The following NOS1 variants were observed in gnomAD, a reference collection of about 807,000 sequenced individuals.
NOS1 encodes the protein NOS type I.
Under a neutral mutation model 164.5 loss-of-function variants are expected in NOS1, and 51 were observed. The observed-to-expected ratio is 0.31, with a 90% CI of 0.25 to 0.39. NOS1 has a LOEUF of 0.39. NOS1 is among the 10% of genes least tolerant of loss of function. The pLI is 1.00. For missense variants in NOS1, 1,362 were observed against 1,885.6 expected, an observed-to-expected ratio of 0.72 and a Z score of 5.14; for synonymous variants, 719 against 745.8, an observed-to-expected ratio of 0.96 and a Z score of 0.59.
At chr12:117,350,844 T>C (rs1429986633) in intron 1 of NOS1, among the ~76,000 whole-genome samples, 2 of 152,170 alleles carry the variant, frequency 1.3e-5, no homozygotes, top group Non-Finnish European at 2.9e-5. Flanking sequence ...CCGGGTGCGG[T>C]GGCTCAAGCC....
chr12:117,258,269 G>T, intron 16 of NOS1, 128 bp downstream of exon 16: 2 of 897,696 alleles, frequency 2.2e-6, no homozygotes, highest in South Asian at 3.0e-5. Flanking sequence ...TCACAACTAA[G>T]ACCCATTACA....
At position 117,212,370 on chromosome 12, in the gene NOS1, T is replaced by G; in HGVS notation, c.*2939A>C. On this transcript the variant is annotated 3_prime_UTR_variant, in exon 29 of 29. Coordinates refer to ENST00000317775, the MANE Select transcript of NOS1 (RefSeq NM_000620.5). Reference sequence around the variant, plus strand: ...ACTCAGGTCGGCTCCCAAAATTCCATATTGATGGGTCTGAAGTGTCCCCCC... The same window carrying G: ...ACTCAGGTCGGCTCCCAAAATTCCAGATTGATGGGTCTGAAGTGTCCCCCC... 2.0e-6 allele frequency: 2 copies of G among 985,332 alleles called. No homozygotes were observed. Among genetic ancestry groups the G allele is most frequent in the South Asian group, 9.4e-5 (2 of 21,272 alleles). The allele number at this position is 985,332 out of a possible 1,614,324, so 61.0% of individuals were successfully genotyped here. A position where few individuals can be genotyped will look rare whatever the true frequency, so the allele number is the denominator to read the frequency against.
At position 117,212,920 on chromosome 12, in the gene NOS1, C is replaced by T. The variant is rs925734980; in HGVS notation, c.*2389G>A. The T allele has an allele frequency of 7.1e-6, 7 of 985,372 alleles. No homozygotes were observed. The highest frequency in any genetic ancestry group is 8.4e-6 in the Non-Finnish European group (7 of 829,914). The allele number at this position is 985,372 out of a possible 1,614,324, so 61.0% of individuals were successfully genotyped here. A position where few individuals can be genotyped will look rare whatever the true frequency, so the allele number is the denominator to read the frequency against. The stretch of plus-strand genomic sequence containing the variant: ...TCAGATCGCTCTCCTGCCTTCTAGC[C>T]TGGAGTTGTGAAGCAGCTTGTGTTG... On this transcript the variant is annotated 3_prime_UTR_variant, in exon 29 of 29. Transcript: ENST00000317775.
chr12:117,354,524 A>C (rs1876775149), intron 1 of NOS1, among the ~76,000 whole-genome samples: 1 of 152,248 alleles, frequency 6.6e-6, no homozygotes, highest in South Asian at 2.1e-4. Flanking sequence ...CTGCTTCAAA[A>C]AAATTAAAGA....
intron 20 of NOS1, among the ~76,000 whole-genome samples, chr12:117,240,451 G>A (rs1181414850): frequency 6.6e-6 from 1 of 152,196 alleles, no homozygotes; most frequent in African/African-American, 2.4e-5. Flanking sequence ...TGATATGCTA[G>A]TTGTTTTATG....
intron 24 of NOS1, among the ~76,000 whole-genome samples, chr12:117,226,429 A>C (rs1392716766): frequency 6.6e-6 from 1 of 152,180 alleles, no homozygotes; most frequent in Non-Finnish European, 1.5e-5. Context: ...CGATAGCTCC[A>C]GCACCTAGCC....
intron 11 of NOS1, among the ~76,000 whole-genome samples, chr12:117,267,659 C>T (rs1872522175): frequency 6.6e-6 from 1 of 151,858 alleles, no homozygotes; most frequent in Admixed American, 6.6e-5. Flanking sequence ...CCATTTAGCA[C>T]AGCCTCATGC....
chr12:117,288,362 A>G, intron 4 of NOS1, 143 bp from the exon 5 acceptor site: 1 of 689,314 alleles, frequency 1.5e-6, no homozygotes, highest in South Asian at 2.2e-5. Context: ...CCAGCTTCAA[A>G]TCCTTGGTGG....
At chr12:117,282,234 G>A (rs539356021) in intron 7 of NOS1, among the ~76,000 whole-genome samples, 1 of 151,952 alleles carries the variant, frequency 6.6e-6, no homozygotes, top group South Asian at 2.1e-4. Flanking sequence ...AAAAAGGAAA[G>A]GAAAATAACT....
chr12:117,336,015 G>A (rs375170773), intron 1 of NOS1, among the ~76,000 whole-genome samples: 4 of 150,706 alleles, frequency 2.7e-5, no homozygotes, highest in African/African-American at 5.0e-5. Context: ...CCTTGTAAGC[G>A]CCATTTTTAT....
At chr12:117,328,786 C>T (rs1169935526) in intron 2 of NOS1, among the ~76,000 whole-genome samples, 3 of 152,222 alleles carry the variant, frequency 2.0e-5, no homozygotes, top group Non-Finnish European at 2.9e-5. Flanking sequence ...GACGGTCATG[C>T]ATCGCTTAAT....
chr12:117,334,694 C>T (rs1436664751), intron 1 of NOS1, among the ~76,000 whole-genome samples: 2 of 152,186 alleles, frequency 1.3e-5, no homozygotes, highest in East Asian at 1.9e-4. Flanking sequence ...TGCACCTGGC[C>T]GTCAATCATT....
intron 8 of NOS1, among the ~76,000 whole-genome samples, chr12:117,278,529 A>G (rs1873362415): frequency 6.6e-6 from 1 of 152,198 alleles, no homozygotes; most frequent in Admixed American, 6.5e-5. Flanking sequence ...GTAATAATAT[A>G]AGGTATTGTA....
chr12:117,357,297 C>T (rs1175109974), intron 1 of NOS1, among the ~76,000 whole-genome samples: 2 of 152,156 alleles, frequency 1.3e-5, no homozygotes, highest in Non-Finnish European at 2.9e-5. Flanking sequence ...AATAGTGGGG[C>T]TAATGTCCAA....
chr12:117,335,116 A>G (rs546820969), intron 1 of NOS1, among the ~76,000 whole-genome samples: 1 of 152,340 alleles, frequency 6.6e-6, no homozygotes, highest in African/African-American at 2.4e-5. Flanking sequence ...GAACTCAGAA[A>G]AGTGGCTTCC....
intron 10 of NOS1, among the ~76,000 whole-genome samples, chr12:117,271,207 C>A (rs996089479): frequency 3.3e-5 from 5 of 152,174 alleles, no homozygotes; most frequent in Non-Finnish European, 7.4e-5. Context: ...CACGAAGCCC[C>A]CCAGATACCC....
intron 3 of NOS1, among the ~76,000 whole-genome samples, chr12:117,299,406 AG>A (rs1343334314): frequency 1.1e-4 from 16 of 152,066 alleles, no homozygotes; most frequent in Non-Finnish European, 2.1e-4. Context: ...TGGGAGGCCG[AG>A]GTGGGCGGAT....
At chr12:117,220,678 A>G (rs1956688502) in intron 26 of NOS1, among the ~76,000 whole-genome samples, 1 of 152,058 alleles carries the variant, frequency 6.6e-6, no homozygotes. Context: ...CAGGCACCCT[A>G]TGTTACAGTG....
At chr12:117,325,011 G>C (rs1436956479) in intron 2 of NOS1, among the ~76,000 whole-genome samples, 1 of 152,242 alleles carries the variant, frequency 6.6e-6, no homozygotes, top group Non-Finnish European at 1.5e-5. Context: ...GGGGACAACA[G>C]AGCAGGAGAG....
Sources: allele counts gnomAD v4.1 joint callset (sites outside exome capture counted in the v4.1 genomes callset), GRCh38; gene constraint gnomAD v4.1.1; transcripts MANE v1.5; gene names NCBI Gene and HGNC (gene_info 2026-07-23, HGNC 2026-07-21).